Variants in GMDS observed in about 807,000 individuals in gnomAD.
GMDS encodes GDP-mannose 4,6-dehydratase.
A neutral mutation model predicts 49.9 loss-of-function variants in GMDS; 20 were observed. The observed-to-expected ratio is 0.40, with a 90% CI of 0.28 to 0.58. GMDS has a LOEUF of 0.58. GMDS is among the 20% of genes least tolerant of loss of function. The probability of loss-of-function intolerance (pLI) is 0.42; values close to 1 mark genes in which losing one functional copy is unlikely to be tolerated. For synonymous variants in GMDS, 177 were observed against 178.6 expected, an observed-to-expected ratio of 0.99 and a Z score of 0.07; for missense variants, 362 against 481.4, an observed-to-expected ratio of 0.75 and a Z score of 2.32.
Position 1,837,505 on chromosome 6 carries a change from G to GT in GMDS, c.771+92597dup, listed in dbSNP as rs1756976455. The stretch of plus-strand genomic sequence containing the variant: ...CTTAATGGCACGACTCAAAGTGTTG[G>GT]TAAGTGTGGTGTACCCCCGTCCCGA... On this transcript the variant is annotated intron_variant, in intron 7 of 10. Transcript: ENST00000380815. Among the ~76,000 whole-genome samples, 3 of 152,190 alleles carry GT rather than the reference G, an allele frequency of 2.0e-5. No individual in the cohort carries two copies. The South Asian group carries it at 6.2e-4, about 32-fold the overall frequency.
intron 9 of GMDS, among the ~76,000 whole-genome samples, chr6:1,699,445 G>A (rs1765463998): frequency 1.3e-5 from 2 of 152,038 alleles, no homozygotes; most frequent in Non-Finnish European, 1.5e-5. Context: ...ACACATTAAC[G>A]CAGGTGTAGG....
intron 4 of GMDS, among the ~76,000 whole-genome samples, chr6:1,964,715 G>T (rs549975709): frequency 2.6e-5 from 4 of 152,062 alleles, no homozygotes; most frequent in Non-Finnish European, 5.9e-5. Context: ...AAGTTTTGGG[G>T]TACATGTGCA....
At chr6:1,743,404 G>A (rs1386849554) in intron 7 of GMDS, among the ~76,000 whole-genome samples, 3 of 151,156 alleles carry the variant, frequency 2.0e-5, no homozygotes, top group Admixed American at 1.3e-4. Context: ...TTAGCCGGGC[G>A]TGGTGGGGGG....
intron 7 of GMDS, among the ~76,000 whole-genome samples, chr6:1,859,034 G>A (rs541551137): frequency 6.6e-6 from 1 of 152,244 alleles, no homozygotes; most frequent in East Asian, 1.9e-4. Context: ...CTGAGGTGAC[G>A]CAGTCTGCCC....
At chr6:1,876,364 A>G (rs1759063060) in intron 7 of GMDS, among the ~76,000 whole-genome samples, 1 of 152,254 alleles carries the variant, frequency 6.6e-6, no homozygotes, top group Admixed American at 6.5e-5. Context: ...TTGAAGTGAA[A>G]CATAAAAGAG....
chr6:1,634,346 C>A (rs550498080), intron 9 of GMDS, among the ~76,000 whole-genome samples: 1 of 152,352 alleles, frequency 6.6e-6, no homozygotes, highest in East Asian at 1.9e-4. Context: ...GCCGCTCCAC[C>A]CTTCATTTCC....
In GMDS at chr6:2,245,348, C is replaced by T. The variant is rs1198185976; in HGVS notation, c.75G>A (p.Val25=). The change falls in exon 1 of 11, where the codon GTG becomes GTA. Residue 25 remains valine, a synonymous_variant. Coordinates refer to ENST00000380815, the MANE Select transcript of GMDS (RefSeq NM_001500.4). ...GDGEMGKPRN[V]ALITGITGQD... ...GGCCTGTGATACCGGTGATGAGCGC[C>T]ACGTTCCTGGGCTTGCCCATCTCGC... 2.6e-6 allele frequency: 4 copies of T among 1,553,552 alleles called. No individual in the cohort carries two copies. Among genetic ancestry groups the T allele is most frequent in the Non-Finnish European group, 2.6e-6 (3 of 1,154,510 alleles).
chr6:1,806,166 C>G (rs1413110380), intron 7 of GMDS, among the ~76,000 whole-genome samples: 1 of 152,054 alleles, frequency 6.6e-6, no homozygotes, highest in East Asian at 1.9e-4. Flanking sequence ...TCTGGGTAAT[C>G]AACTTTTCTC....
At chr6:1,729,357 C>T (rs1766707824) in intron 8 of GMDS, among the ~76,000 whole-genome samples, 1 of 151,928 alleles carries the variant, frequency 6.6e-6, no homozygotes, top group Non-Finnish European at 1.5e-5. Flanking sequence ...TGTCTGAACG[C>T]TGTCTGCTGA....
chr6:1,698,912 G>A (rs981841579), intron 9 of GMDS, among the ~76,000 whole-genome samples: 2 of 151,686 alleles, frequency 1.3e-5, no homozygotes, highest in African/African-American at 4.8e-5. Context: ...ATTGTGAAGA[G>A]GCAGTGCCAC....
chr6:2,038,480 G>A (rs775614528), intron 4 of GMDS, among the ~76,000 whole-genome samples: 6 of 152,146 alleles, frequency 3.9e-5, no homozygotes, highest in South Asian at 2.1e-4. Context: ...CACTGGGCCC[G>A]CACACTTCAG....
At chr6:1,651,681 CTG>C (rs1161309014) in intron 9 of GMDS, among the ~76,000 whole-genome samples, 1 of 152,194 alleles carries the variant, frequency 6.6e-6, no homozygotes, top group Non-Finnish European at 1.5e-5. Context: ...ACAAATGTGA[CTG>C]TTCAGTTTTT....
intron 4 of GMDS, among the ~76,000 whole-genome samples, chr6:2,023,845 G>C (rs1021693203): frequency 2.0e-5 from 3 of 152,164 alleles, no homozygotes; most frequent in African/African-American, 7.2e-5. Flanking sequence ...ATATGGAAGA[G>C]AGGCTGAGAT....
At chr6:1,654,157 T>C (rs531801804) in intron 9 of GMDS, among the ~76,000 whole-genome samples, 4 of 152,286 alleles carry the variant, frequency 2.6e-5, no homozygotes, top group East Asian at 1.9e-4. Context: ...GCTCTGATGA[T>C]TGGAATGTAA....
At chr6:1,920,808 G>A (rs777554449) in intron 7 of GMDS, among the ~76,000 whole-genome samples, 7 of 152,206 alleles carry the variant, frequency 4.6e-5, no homozygotes, top group Non-Finnish European at 8.8e-5. Context: ...AGGCTGGGGT[G>A]GACTGAGAAA....
rs898178411 is a variant in GMDS, at chr6:1,640,475, C to G, written c.988-15935G>C. Among the ~76,000 whole-genome samples, 2 of 152,188 alleles carry G rather than the reference C, an allele frequency of 1.3e-5. No individual in the cohort carries two copies. The highest frequency in any genetic ancestry group is 2.9e-5 in the Non-Finnish European group (2 of 68,036). ...CCTCAGGTCCCTCTTTAAGTGTTGGCCACTCCCCAGCCTTGAACCTCCCTG... is the reference window on the plus strand; with the variant it reads ...CCTCAGGTCCCTCTTTAAGTGTTGGGCACTCCCCAGCCTTGAACCTCCCTG... On this transcript the variant is annotated intron_variant, in intron 9 of 10. Transcript: ENST00000380815. This position sits in a 1 kb window ranked among gnomAD's most constrained non-coding sequence, Gnocchi z 4.0.
chr6:1,983,009 T>C (rs6596864), intron 4 of GMDS, among the ~76,000 whole-genome samples: 59,785 of 151,984 alleles, frequency 0.39, 11,866 homozygotes, highest in Middle Eastern at 0.45. Context: ...CAAAACAGCA[T>C]GGTACTGGTA....
Position 1,688,379 on chromosome 6 carries a change from C to T in GMDS, c.987+38037G>A, listed in dbSNP as rs11756276. Among the ~76,000 whole-genome samples, 1,365 of 152,372 alleles carry T rather than the reference C, an allele frequency of 9.0e-3. 6 individuals are homozygous for T. Among genetic ancestry groups the T allele is most frequent in the Non-Finnish European group, 0.015 (990 of 68,040 alleles). ...GAAACCCCGCACCTTGCTATGGTCA[C>T]GCACGTGGAGCGTGCTGTGTGGAAT... On this transcript the variant is annotated intron_variant, in intron 9 of 10. Transcript: ENST00000380815.
chr6:1,920,812 T>C (rs952834783), intron 7 of GMDS, among the ~76,000 whole-genome samples: 69 of 152,316 alleles, frequency 4.5e-4, no homozygotes, highest in African/African-American at 1.6e-3. Flanking sequence ...TGGGGTGGAC[T>C]GAGAAAGCTC....
Sources: allele counts gnomAD v4.1 joint callset (sites outside exome capture counted in the v4.1 genomes callset), GRCh38; gene constraint gnomAD v4.1.1; non-coding constraint Gnocchi (gnomAD v3.1); transcripts MANE v1.5; gene names NCBI Gene and HGNC (gene_info 2026-07-23, HGNC 2026-07-21).